ETFBKMT: variants seen among roughly 807,000 people sequenced by gnomAD.
The protein encoded by ETFBKMT is electron transfer flavoprotein beta subunit lysine methyltransferase.
In ETFBKMT, 13 loss-of-function variants were observed where a neutral mutation model predicts 18.3. The ratio of observed to expected loss-of-function variants is 0.71; its 90% CI spans 0.46 to 1.13. The LOEUF is 1.13. Ranked by LOEUF, ETFBKMT falls within the 50% of genes most tolerant of loss-of-function variation. The pLI, the probability that ETFBKMT is intolerant of heterozygous loss-of-function variation, is 0.00. For synonymous variants in ETFBKMT, 84 were observed against 107.9 expected (o/e 0.78, Z 1.37); for missense variants, 293 against 306.2 (o/e 0.96, Z 0.32).
upstream of ETFBKMT, among the ~76,000 whole-genome samples, chr12:31,655,508 G>A (rs548041019): frequency 9.2e-5 from 14 of 152,230 alleles, no homozygotes; most frequent in South Asian, 4.1e-4. Flanking sequence ...ATTTCACACC[G>A]ACTGTGTCAA....
At chr12:31,658,036 C>G (rs989413337), upstream of ETFBKMT, among the ~76,000 whole-genome samples, 1 of 152,170 alleles carries the variant, frequency 6.6e-6, no homozygotes, top group South Asian at 2.1e-4. Context: ...TGATGACTAC[C>G]AAGCTTTTTT....
intron 2 of ETFBKMT, among the ~76,000 whole-genome samples, chr12:31,665,044 C>A (rs560854277): frequency 1.3e-5 from 2 of 148,676 alleles, no homozygotes; most frequent in East Asian, 4.1e-4. Flanking sequence ...TCAAGCAATT[C>A]TCCTGCCTCA....
At chr12:31,656,132 A>C (rs1004762699), upstream of ETFBKMT, among the ~76,000 whole-genome samples, 1 of 152,148 alleles carries the variant, frequency 6.6e-6, no homozygotes, top group Non-Finnish European at 1.5e-5. Context: ...TCTGCTTTCA[A>C]GTCTAGGCAG....
At chr12:31,666,289 T>C in intron 3 of ETFBKMT, 72 bp downstream of exon 3, 1 of 1,461,354 alleles carries the variant, frequency 6.8e-7, no homozygotes, top group Non-Finnish European at 9.3e-7. Flanking sequence ...GTACACATGC[T>C]CAGTGTGGTA....
rs1036916414 is a variant in ETFBKMT, at chr12:31,647,474, C to T, written c.-114+219C>T. Among the ~76,000 whole-genome samples the T allele has an allele frequency of 3.7e-4, 57 of 152,258 alleles. 1 individual carries two copies. Among genetic ancestry groups the T allele is most frequent in the African/African-American group, 1.4e-3 (57 of 41,548 alleles). On this transcript the variant is annotated intron_variant, in intron 1 of 3. Coordinates refer to the ETFBKMT transcript ENST00000412352. The stretch of plus-strand genomic sequence containing the variant: ...GGCAAGTTACTGAACCTTCCTGTGA[C>T]TTCACTTCTTTACCTCTAAAACAGA...
Position 31,672,595 on chromosome 12 carries a change from TAA to T in ETFBKMT, c.*4616_*4617del, listed in dbSNP as rs544618868. 35 of 312,658 alleles carry T rather than the reference TAA, an allele frequency of 1.1e-4. No individual in the cohort carries two copies. Among genetic ancestry groups the T allele is most frequent in the Middle Eastern group, 9.6e-4 (1 of 1,042 alleles). The allele number at this position is 312,658 out of a possible 1,614,324, so 19.4% of individuals were successfully genotyped here. On this transcript the variant is annotated 3_prime_UTR_variant, in exon 4 of 4. Coordinates refer to ENST00000357721, the MANE Select transcript of ETFBKMT (RefSeq NM_001135863.2). ...TGCACCTATCATGGTATTACTTGTT[TAA>T]AAAAAAAAAACAGGCATTTGTTGTT...
At chr12:31,663,078 C>G (rs531871996) in intron 2 of ETFBKMT, among the ~76,000 whole-genome samples, 2 of 151,956 alleles carry the variant, frequency 1.3e-5, no homozygotes, top group South Asian at 4.2e-4. Context: ...AGTGATACCC[C>G]TATCTCTACA....
At chr12:31,661,106 A>G (rs1388819129) in intron 1 of ETFBKMT, 1 of 152,250 alleles carries the variant, frequency 6.6e-6, no homozygotes, top group Non-Finnish European at 1.5e-5. Context: ...TGAGTCATCC[A>G]GAGATGATTT....
chr12:31,652,322 C>G (rs909703337), intron 1 of ETFBKMT, among the ~76,000 whole-genome samples: 1 of 152,116 alleles, frequency 6.6e-6, no homozygotes, highest in Non-Finnish European at 1.5e-5. Flanking sequence ...ATTTTCCTGG[C>G]GCCTGACGAC....
At chr12:31,654,503 A>G (rs1452314243), upstream of ETFBKMT, among the ~76,000 whole-genome samples, 1 of 152,254 alleles carries the variant, frequency 6.6e-6, no homozygotes, top group African/African-American at 2.4e-5. Context: ...TTGTAATAGT[A>G]AAAGAAAGAA....
At chr12:31,662,302 A>G (rs1380779267) in intron 2 of ETFBKMT, 35 bp downstream of exon 2, 1 of 1,592,172 alleles carries the variant, frequency 6.3e-7, no homozygotes, top group Non-Finnish European at 8.6e-7. Flanking sequence ...GGCGCTACAG[A>G]TCTTTGCTGT....
At chr12:31,654,669 C>T (rs1057095946), upstream of ETFBKMT, among the ~76,000 whole-genome samples, 1 of 152,108 alleles carries the variant, frequency 6.6e-6, no homozygotes, top group Non-Finnish European at 1.5e-5. Context: ...AAGACAAAAA[C>T]CGTATAAACT....
At position 31,667,714 on chromosome 12, in the gene ETFBKMT, A is replaced by G; in HGVS notation, c.513A>G (p.Gln171=). Residue 171 remains glutamine, a synonymous_variant, in exon 4 of 4, where the codon CAA becomes CAG. Transcript: ENST00000357721. ...NRLNPFPILI[Q]NILNLEQDKW... Reference sequence around the variant, plus strand: ...TGAATCCTTTTCCTATTTTAATCCAAAACATTTTGAATTTGGAACAAGATA... The same window carrying G: ...TGAATCCTTTTCCTATTTTAATCCAGAACATTTTGAATTTGGAACAAGATA... The G allele has an allele frequency of 6.2e-7, 1 of 1,614,130 alleles. No individual in the cohort carries two copies. Among genetic ancestry groups the G allele is most frequent in the Non-Finnish European group, 8.5e-7 (1 of 1,180,008 alleles).
At position 31,661,857 on chromosome 12, in the gene ETFBKMT, T is replaced by G; in HGVS notation, c.-97T>G. The G allele has an allele frequency of 9.0e-5, 99 of 1,102,524 alleles. No homozygotes were observed. The highest frequency in any genetic ancestry group is 1.2e-4 in the Non-Finnish European group (89 of 753,226). The allele number at this position is 1,102,524 out of a possible 1,614,324, so 68.3% of individuals were successfully genotyped here. ...TTTTTTCAGAGTCAGAGGTTCCGGT[T>G]GAGATCAAGTTGGGAGACACACCCT... On this transcript the variant is annotated 5_prime_UTR_variant, in exon 2 of 4. Transcript: ENST00000357721.
upstream of ETFBKMT, among the ~76,000 whole-genome samples, chr12:31,655,784 G>T (rs189212373): frequency 6.6e-6 from 1 of 152,108 alleles, no homozygotes; most frequent in Non-Finnish European, 1.5e-5. Context: ...CTTTCCCAAG[G>T]AGCACGGGCC....
At chr12:31,660,118 A>T (rs1951102671) in intron 1 of ETFBKMT, 1 of 144,818 alleles carries the variant, frequency 6.9e-6, no homozygotes, top group African/African-American at 2.6e-5. Flanking sequence ...GTGAGCCGAG[A>T]TCACGCCACT....
chr12:31,650,627 C>CTTTTTTTTTTTTTTTT (rs57675973), intron 1 of ETFBKMT, among the ~76,000 whole-genome samples: 1 of 138,240 alleles, frequency 7.2e-6, no homozygotes, highest in Non-Finnish European at 1.6e-5. Context: ...ATGACCTGAC[C>CTTTTTTTTTTTTTTTT]TTTTTTTTTT....
chr12:31,655,057 T>C (rs1175572868), upstream of ETFBKMT, among the ~76,000 whole-genome samples: 1 of 86,694 alleles, frequency 1.2e-5, no homozygotes, highest in Non-Finnish European at 2.4e-5. Flanking sequence ...CTCTGTCTCA[T>C]GAAACAAACA....
intron 1 of ETFBKMT, among the ~76,000 whole-genome samples, chr12:31,650,495 T>G (rs1951007149): frequency 6.6e-6 from 1 of 152,172 alleles, no homozygotes; most frequent in Non-Finnish European, 1.5e-5. Flanking sequence ...TTCTTAAACT[T>G]GCTTTCACTT....
Sources: gnomAD v4.1 joint callset for allele counts (sites outside exome capture counted in the v4.1 genomes callset) on GRCh38, gnomAD v4.1.1 for gene constraint, MANE v1.5 for transcripts, NCBI Gene and HGNC (gene_info 2026-07-23, HGNC 2026-07-21) for gene names.